The following XRRA1 variants were observed in gnomAD, a reference collection of about 807,000 sequenced individuals.
The protein encoded by XRRA1 is X-ray radiation resistance associated 1, also known as X-ray radiation resistance-associated protein 1.
A neutral mutation model predicts 80.2 loss-of-function variants in XRRA1; 69 were observed. The observed-to-expected ratio is 0.86, with a 90% CI of 0.71 to 1.05. The LOEUF (loss-of-function observed/expected upper bound fraction) is 1.05, where lower values mean the gene tolerates loss of function less well. Ranked by LOEUF, XRRA1 falls within the 50% of genes least tolerant of loss-of-function variation. XRRA1 has a pLI of 0.00. For synonymous variants in XRRA1, 348 were observed against 389.9 expected, an observed-to-expected ratio of 0.89 and a Z score of 1.27; for missense variants, 967 against 976.4, an observed-to-expected ratio of 0.99 and a Z score of 0.13.
chr11:74,900,032 G>A (rs537382792), intron 10 of XRRA1, among the ~76,000 whole-genome samples: 1 of 152,164 alleles, frequency 6.6e-6, no homozygotes, highest in East Asian at 1.9e-4. Flanking sequence ...AGGCGTGGTG[G>A]CAGACACCTG....
At chr11:74,931,131 C>CGTGTGTGTGTGTGTGTGTGT (rs61614618) in intron 5 of XRRA1, among the ~76,000 whole-genome samples, 2 of 149,414 alleles carry the variant, frequency 1.3e-5, no homozygotes, top group Non-Finnish European at 3.0e-5. Context: ...TATGCTTATA[C>CGTGTGTGTGTGTGTGTGTGT]GTGTGTGTGT....
intron 12 of XRRA1, among the ~76,000 whole-genome samples, chr11:74,853,625 C>T (rs1183718310): frequency 6.6e-6 from 1 of 152,112 alleles, no homozygotes; most frequent in South Asian, 2.1e-4. Context: ...TGGAAGGCCA[C>T]CTGCCAACCA....
chr11:74,880,386 A>G (rs2136644133), intron 10 of XRRA1, among the ~76,000 whole-genome samples: 1 of 151,596 alleles, frequency 6.6e-6, no homozygotes, highest in Non-Finnish European at 1.5e-5. Context: ...CGGTCTATCA[A>G]TTTTGTTGAT....
intron 10 of XRRA1, among the ~76,000 whole-genome samples, chr11:74,902,469 T>A (rs563458991): frequency 2.0e-5 from 3 of 152,258 alleles, no homozygotes; most frequent in Non-Finnish European, 2.9e-5. Context: ...TGCACTCTTA[T>A]GTTTGTTGCA....
At chr11:74,930,429 G>C (rs367553049) in intron 5 of XRRA1, 57 bp from the exon 6 acceptor site, 1 of 1,407,872 alleles carries the variant, frequency 7.1e-7, no homozygotes, top group Non-Finnish European at 9.6e-7. Flanking sequence ...TCCCTGCCTA[G>C]AAGCCTTGCT....
chr11:74,949,053 T>C lies in XRRA1; in HGVS notation c.-198A>G, dbSNP rs1948241605. ...TCCACTGCGGTGCCTGCCGCTATCT[T>C]CCCCACGCCTTAGTAACTGCGACGC... On this transcript the variant is annotated 5_prime_UTR_variant, in exon 1 of 19. Coordinates refer to ENST00000684022, the MANE Select transcript of XRRA1 (RefSeq NM_001378157.1). 1 of 422,106 alleles carries C rather than the reference T, an allele frequency of 2.4e-6. No individual in the cohort carries two copies. Among genetic ancestry groups the C allele is most frequent in the East Asian group, 4.6e-5 (1 of 21,976 alleles). The allele number at this position is 422,106 out of a possible 1,614,324, so 26.1% of individuals were successfully genotyped here.
chr11:74,913,452 G>A (rs972793936), intron 8 of XRRA1: 1 of 152,168 alleles, frequency 6.6e-6, no homozygotes, highest in East Asian at 1.9e-4. Flanking sequence ...TAATCAAGAG[G>A]TGACTCCCAC....
At chr11:74,864,274 A>C (rs1007613911) in intron 10 of XRRA1, among the ~76,000 whole-genome samples, 1 of 152,228 alleles carries the variant, frequency 6.6e-6, no homozygotes, top group Non-Finnish European at 1.5e-5. Context: ...CATGTGCTGG[A>C]TAGAAGAATG....
chr11:74,875,578 T>C (rs2045853868), intron 10 of XRRA1, among the ~76,000 whole-genome samples: 1 of 152,160 alleles, frequency 6.6e-6, no homozygotes, highest in Admixed American at 6.5e-5. Flanking sequence ...GTGAAGTCTG[T>C]CTTAAAAATA....
chr11:74,869,206 A>G (rs886979331), intron 10 of XRRA1, among the ~76,000 whole-genome samples: 2 of 152,218 alleles, frequency 1.3e-5, no homozygotes, highest in Non-Finnish European at 2.9e-5. Context: ...TCAAAACCAT[A>G]TAATTACATT....
chr11:74,918,263 C>T (rs1591398938), intron 8 of XRRA1, among the ~76,000 whole-genome samples: 1 of 151,698 alleles, frequency 6.6e-6, no homozygotes, highest in East Asian at 1.9e-4. Context: ...ACTGTAGCAA[C>T]TATGCATATT....
intron 10 of XRRA1, among the ~76,000 whole-genome samples, chr11:74,867,531 TAGTA>T (rs1009516147): frequency 4.0e-5 from 6 of 151,812 alleles, no homozygotes; most frequent in South Asian, 2.1e-4. Context: ...AATAAAAAAA[TAGTA>T]AGGAAGAATG....
intron 10 of XRRA1, among the ~76,000 whole-genome samples, chr11:74,871,275 G>A (rs998103772): frequency 4.6e-5 from 7 of 152,162 alleles, no homozygotes; most frequent in African/African-American, 1.2e-4. Context: ...AACAGATGCC[G>A]AGGCTCAGGG....
chr11:74,881,242 T>G (rs2047490264), intron 10 of XRRA1, among the ~76,000 whole-genome samples: 1 of 151,922 alleles, frequency 6.6e-6, no homozygotes, highest in African/African-American at 2.4e-5. Context: ...CTTTTGATCT[T>G]TGTTGGTTTA....
At chr11:74,946,037 A>G (rs1157415781) in intron 1 of XRRA1, among the ~76,000 whole-genome samples, 1 of 151,944 alleles carries the variant, frequency 6.6e-6, no homozygotes, top group Non-Finnish European at 1.5e-5. Flanking sequence ...ATCTCAGCTC[A>G]CTGCAACCTC....
intron 8 of XRRA1, among the ~76,000 whole-genome samples, chr11:74,908,712 A>G (rs2055179528): frequency 6.6e-6 from 1 of 152,202 alleles, no homozygotes; most frequent in Non-Finnish European, 1.5e-5. Flanking sequence ...AAACACCATA[A>G]AAGAAGTATG....
At chr11:74,880,712 G>A (rs1377259259) in intron 10 of XRRA1, among the ~76,000 whole-genome samples, 2 of 150,930 alleles carry the variant, frequency 1.3e-5, no homozygotes, top group East Asian at 3.9e-4. Context: ...CCTTCATTTC[G>A]TTGTGTACCC....
At chr11:74,843,763 C>A (rs1312956780) in intron 18 of XRRA1, 91 bp downstream of exon 18, 1 of 1,186,988 alleles carries the variant, frequency 8.4e-7, no homozygotes, top group East Asian at 2.5e-5. Context: ...TCTCTAAGGG[C>A]CTTTCCTGCA....
chr11:74,946,699 A>G (rs1177483451), intron 1 of XRRA1, among the ~76,000 whole-genome samples: 1 of 151,692 alleles, frequency 6.6e-6, no homozygotes. Flanking sequence ...ACCTCACTAC[A>G]GGCTGTGAGT....
Sources: gnomAD v4.1 joint callset for allele counts (sites outside exome capture counted in the v4.1 genomes callset) on GRCh38, gnomAD v4.1.1 for gene constraint, MANE v1.5 for transcripts, NCBI Gene and HGNC (gene_info 2026-07-23, HGNC 2026-07-21) for gene names.